Variants in ZFYVE9 observed in about 807,000 individuals in gnomAD.
The protein encoded by ZFYVE9 is zinc finger FYVE domain-containing protein 9.
In ZFYVE9, 43 loss-of-function variants were observed where a neutral mutation model predicts 126.7. The observed-to-expected ratio is 0.34, with a 90% CI of 0.27 to 0.44. The LOEUF (loss-of-function observed/expected upper bound fraction) is 0.44. Ranked by LOEUF, ZFYVE9 falls within the 20% of genes least tolerant of loss-of-function variation. The pLI is 1.00. For missense variants in ZFYVE9, 1,476 were observed against 1,697.0 expected, an observed-to-expected ratio of 0.87 and a Z score of 2.29; for synonymous variants, 521 against 597.4, an observed-to-expected ratio of 0.87 and a Z score of 1.87.
chr1:52,190,878 A>G (rs1036108910), intron 1 of ZFYVE9, among the ~76,000 whole-genome samples: 1 of 152,240 alleles, frequency 6.6e-6, no homozygotes, highest in Non-Finnish European at 1.5e-5. Flanking sequence ...GTCTTAAACT[A>G]TATCTGGCTT....
At chr1:52,177,435 T>A (rs902523505) in intron 1 of ZFYVE9, among the ~76,000 whole-genome samples, 2 of 152,218 alleles carry the variant, frequency 1.3e-5, no homozygotes, top group African/African-American at 2.4e-5. Flanking sequence ...CGTGAGCCAC[T>A]GCACCTGGCC....
intron 1 of ZFYVE9, among the ~76,000 whole-genome samples, chr1:52,198,012 A>C (rs1557451391): frequency 1.3e-5 from 2 of 151,988 alleles, no homozygotes; most frequent in African/African-American, 4.8e-5. Flanking sequence ...AGTCATTCGA[A>C]TGGAGGTGGT....
intron 1 of ZFYVE9, among the ~76,000 whole-genome samples, chr1:52,204,981 T>C (rs929008069): frequency 2.6e-5 from 4 of 152,278 alleles, no homozygotes; most frequent in Middle Eastern, 6.8e-3. Context: ...AGGTTCCTGC[T>C]TGTGGGTTTC....
Position 52,238,042 on chromosome 1 carries a change from T to G in ZFYVE9, c.625T>G (p.Ser209Ala), listed in dbSNP as rs750424414. 14 of 1,613,978 alleles carry G rather than the reference T, an allele frequency of 8.7e-6. No individual in the cohort carries two copies. In the South Asian group the frequency reaches 1.5e-4, roughly 18 times the overall value. ...TGAGTCCACTGAAAAAGATATGAAT[T>G]CAGAGAAACAAATGGATCCATTGAA... ...INESTEKDMNSEKQMDPLNRP... is the reference protein window; with the variant it reads ...INESTEKDMNAEKQMDPLNRP... Residue 209 changes from serine (S) to alanine (A), a missense_variant, in exon 4 of 19, where the codon TCA becomes GCA. Physicochemically the swap from Ser to Ala is moderately conservative, Grantham distance 99. Transcript: ENST00000287727.
chr1:52,213,015 C>T (rs755612235), intron 1 of ZFYVE9, among the ~76,000 whole-genome samples: 13 of 152,188 alleles, frequency 8.5e-5, no homozygotes, highest in Admixed American at 1.3e-4. Flanking sequence ...TCCATCTATC[C>T]ATTTACTAAA....
At chr1:52,236,858 C>T (rs1213779110) in intron 3 of ZFYVE9, among the ~76,000 whole-genome samples, 3 of 152,106 alleles carry the variant, frequency 2.0e-5, no homozygotes, top group African/African-American at 7.2e-5. Context: ...CCCCAGTGTA[C>T]CCATCATCCA....
At chr1:52,334,667 C>A (rs1386177030) in intron 14 of ZFYVE9, 21 bp from the exon 15 acceptor site, 2 of 1,611,954 alleles carry the variant, frequency 1.2e-6, no homozygotes, top group Admixed American at 3.3e-5. Context: ...TCTTACTAAA[C>A]TATTTCTATT....
In ZFYVE9 at chr1:52,270,485, C is replaced by T. The variant is rs140927635; in HGVS notation, c.2625+1853C>T. Among the ~76,000 whole-genome samples, 778 of 152,206 alleles carry T rather than the reference C, an allele frequency of 5.1e-3. 11 individuals are homozygous for T. The highest frequency in any genetic ancestry group is 0.018 in the African/African-American group (728 of 41,532). On this transcript the variant is annotated intron_variant, in intron 7 of 18. Transcript: ENST00000287727. ...TTCACGATGTTAGCCAGGATGGTCT[C>T]GATCTCCTGACCTCCTGATCTGCCC...
At chr1:52,198,821 T>C (rs1644895204) in intron 1 of ZFYVE9, among the ~76,000 whole-genome samples, 1 of 152,176 alleles carries the variant, frequency 6.6e-6, no homozygotes, top group Non-Finnish European at 1.5e-5. Flanking sequence ...CACCCACGTA[T>C]AGCCTCCGCC....
intron 4 of ZFYVE9, among the ~76,000 whole-genome samples, chr1:52,258,629 A>G (rs758708342): frequency 3.9e-5 from 6 of 152,190 alleles, no homozygotes; most frequent in Non-Finnish European, 5.9e-5. Flanking sequence ...ATTCAGGATT[A>G]TTTAAACTAT....
intron 1 of ZFYVE9, among the ~76,000 whole-genome samples, chr1:52,193,393 CAAAAAAAAA>C (rs397863555): frequency 1.0e-5 from 1 of 95,832 alleles, no homozygotes; most frequent in African/African-American, 3.8e-5. Context: ...TTGTCAGTAT[CAAAAAAAAA>C]AAAAAAAAAA....
intron 15 of ZFYVE9, 125 bp downstream of exon 15, chr1:52,334,893 T>G: frequency 1.1e-6 from 1 of 881,692 alleles, no homozygotes; most frequent in Non-Finnish European, 1.8e-6. Context: ...CTTCAGCAAA[T>G]TAAAACTGCC....
chr1:52,157,520 G>T (rs1644414722), intron 1 of ZFYVE9, among the ~76,000 whole-genome samples: 1 of 144,012 alleles, frequency 6.9e-6, no homozygotes, highest in African/African-American at 2.6e-5. Flanking sequence ...TCCTGCCTCA[G>T]CCTCCCCAGC....
rs1308569856 is a variant in ZFYVE9 at position 52,142,460 on chromosome 1, C to T, written c.-143+57C>T. On this transcript the variant is annotated intron_variant, in intron 1 of 18. Transcript: ENST00000287727. The surrounding 1 kb of genome is among the most constrained non-coding windows in gnomAD (Gnocchi z 4.5). ...CCGGCCTCCCGCCGCCTGTGGGGGC[C>T]CTGGCGGCAGACCGCGGGCCGGGCG... is the stretch of plus-strand genomic sequence containing the variant. The T allele has an allele frequency of 2.6e-5, 4 of 151,992 alleles. No individual in the cohort carries two copies. Among genetic ancestry groups the T allele is most frequent in the African/African-American group, 7.2e-5 (3 of 41,406 alleles). The allele number at this position is 151,992 out of a possible 1,614,324, so 9.4% of individuals were successfully genotyped here.
chr1:52,247,193 C>A (rs1645395008), intron 4 of ZFYVE9, among the ~76,000 whole-genome samples: 2 of 152,102 alleles, frequency 1.3e-5, no homozygotes, highest in Admixed American at 6.5e-5. Flanking sequence ...TAGTAGTAGG[C>A]CCTCACTCAG....
intron 1 of ZFYVE9, among the ~76,000 whole-genome samples, chr1:52,205,666 C>G (rs1330671667): frequency 2.0e-5 from 3 of 152,240 alleles, no homozygotes; most frequent in Non-Finnish European, 2.9e-5. Flanking sequence ...ACCACCATGC[C>G]TGGCCACCTC....
In ZFYVE9 at chr1:52,198,120, G is replaced by GTTTTTTTTTTTTTTT. The variant is rs373096573; in HGVS notation, c.-142-18246_-142-18245insTTTTTTTTTTTTTTT. 1.1e-3 allele frequency among the ~76,000 whole-genome samples: 126 copies of GTTTTTTTTTTTTTTT among 111,086 alleles called. 11 individuals are homozygous for GTTTTTTTTTTTTTTT. Among genetic ancestry groups the GTTTTTTTTTTTTTTT allele is most frequent in the East Asian group, 1.7e-3 (6 of 3,532 alleles). The allele number at this position is 111,086 out of a possible 152,430, so 72.9% of individuals were successfully genotyped here. A position where few individuals can be genotyped will look rare whatever the true frequency, so the allele number is the denominator to read the frequency against. On this transcript the variant is annotated intron_variant, in intron 1 of 18. Transcript: ENST00000287727. ...AAATAATATTGTAGTGTTTTTTTTT[G>GTTTTTTTTTTTTTTT]TTTGTTTTTTTTTTTTTTTGAGATG...
intron 1 of ZFYVE9, among the ~76,000 whole-genome samples, chr1:52,184,060 A>G (rs1293733701): frequency 6.6e-6 from 1 of 151,358 alleles, no homozygotes; most frequent in African/African-American, 2.4e-5. Context: ...TGCAGAGAGG[A>G]CATCATGGAG....
intron 17 of ZFYVE9, among the ~76,000 whole-genome samples, chr1:52,340,964 A>G (rs1016077527): frequency 3.3e-5 from 5 of 150,958 alleles, no homozygotes; most frequent in African/African-American, 9.7e-5. Context: ...CACGCCTGTA[A>G]TCCCAGCACT....
Sources: allele counts gnomAD v4.1 joint callset (sites outside exome capture counted in the v4.1 genomes callset), GRCh38; gene constraint gnomAD v4.1.1; non-coding constraint Gnocchi (gnomAD v3.1); transcripts MANE v1.5; gene names NCBI Gene and HGNC (gene_info 2026-07-23, HGNC 2026-07-21).